DIO2: variants seen among roughly 807,000 people sequenced by gnomAD.
DIO2 encodes the protein type II iodothyronine deiodinase.
In DIO2, 19 loss-of-function variants were observed where a neutral mutation model predicts 21.4. The observed-to-expected ratio is 0.89, with a 90% CI of 0.62 to 1.30. DIO2 has a LOEUF of 1.30. DIO2 is among the 50% of genes most tolerant of loss of function. DIO2 has a pLI of 0.00. For synonymous variants in DIO2, 122 were observed against 132.9 expected, an observed-to-expected ratio of 0.92 and a Z score of 0.57; for missense variants, 302 against 338.1, an observed-to-expected ratio of 0.89 and a Z score of 0.84.
chr14:80,225,066 C>A (rs544869531), intron 2 of DIO2, among the ~76,000 whole-genome samples: 109 of 152,224 alleles, frequency 7.2e-4, no homozygotes, highest in Non-Finnish European at 1.2e-3. Context: ...GTTTTTCTTC[C>A]TGCTTTATAT....
chr14:80,206,632 G>T (rs1887968290), intron 1 of DIO2, among the ~76,000 whole-genome samples: 1 of 152,020 alleles, frequency 6.6e-6, no homozygotes, highest in Non-Finnish European at 1.5e-5. Context: ...AAATAAAGTT[G>T]GTCCCATAAT....
chr14:80,205,452 T>C (rs956320021), intron 1 of DIO2: 1 of 409,680 alleles, frequency 2.4e-6, no homozygotes, highest in Non-Finnish European at 3.9e-6. Flanking sequence ...GGAATCATTT[T>C]TGAAACCCAT....
Position 80,203,248 on chromosome 14 carries a change from T to G in DIO2, c.263A>C (p.His88Pro). Residue 88 changes from histidine to proline, a missense_variant, in exon 2 of 2, where the codon CAT becomes CCT. His to Pro is a moderately conservative substitution (Grantham distance 77). Transcript: ENST00000438257. Reference sequence around the variant, plus strand: ...GTCACCTCCTTCTGTACTGGAGACATGCACCACACTGGAATTGGGGGCATC... The same window carrying G: ...GTCACCTCCTTCTGTACTGGAGACAGGCACCACACTGGAATTGGGGGCATC... ...GEDAPNSSVV[H>P]VSSTEGGDNS... 6.2e-7 allele frequency: 1 copy of G among 1,600,412 alleles called. No individual in the cohort carries two copies. Among genetic ancestry groups the G allele is most frequent in the South Asian group, 1.1e-5 (1 of 89,542 alleles).
Position 80,201,224 on chromosome 14 carries a change from T to A in DIO2, c.*1465A>T, listed in dbSNP as rs960678224. On this transcript the variant is annotated 3_prime_UTR_variant, in exon 2 of 2. Transcript: ENST00000438257. ...GGACTTTAGATTACTAAACCTCAGC[T>A]AATGGGACCAAGGGAAGATCCAAGT... 5 of 151,972 alleles carry A rather than the reference T, an allele frequency of 3.3e-5. No homozygotes were observed. Among genetic ancestry groups the A allele is most frequent in the Admixed American group, 3.3e-4 (5 of 15,240 alleles). The allele number at this position is 151,972 out of a possible 1,614,324, so 9.4% of individuals were successfully genotyped here. A position where few individuals can be genotyped will look rare whatever the true frequency, so the allele number is the denominator to read the frequency against.
intron 1 of DIO2, among the ~76,000 whole-genome samples, chr14:80,203,644 AT>A (rs548712952): frequency 6.8e-4 from 103 of 152,370 alleles, no homozygotes; most frequent in Non-Finnish European, 6.0e-4. Context: ...ATAACAAATG[AT>A]TAATTGACTT....
chr14:80,206,282 A>G, intron 1 of DIO2: 2 of 1,582,676 alleles, frequency 1.3e-6, no homozygotes, highest in Non-Finnish European at 1.7e-6. Context: ...TATAAGCTTC[A>G]TATACTAGTC....
chr14:80,214,241 T>G (rs1888296675), upstream of DIO2, among the ~76,000 whole-genome samples: 4 of 152,202 alleles, frequency 2.6e-5, no homozygotes, highest in South Asian at 2.1e-4. Flanking sequence ...CTACCTTGAT[T>G]GAATTAAACC....
intron 2 of DIO2, among the ~76,000 whole-genome samples, chr14:80,223,718 C>T (rs1375819539): frequency 6.6e-6 from 1 of 152,226 alleles, no homozygotes; most frequent in Admixed American, 6.5e-5. Flanking sequence ...ATCTCTGCTA[C>T]TCCTAAGGCT....
At chr14:80,227,467 G>A (rs560582530) in intron 2 of DIO2, among the ~76,000 whole-genome samples, 1 of 152,292 alleles carries the variant, frequency 6.6e-6, no homozygotes, top group East Asian at 1.9e-4. Flanking sequence ...GGCAATTCAG[G>A]TTGCATGGTG....
At chr14:80,219,693 A>C (rs1268691527) in intron 2 of DIO2, among the ~76,000 whole-genome samples, 1 of 152,162 alleles carries the variant, frequency 6.6e-6, no homozygotes, top group Non-Finnish European at 1.5e-5. Flanking sequence ...ACATGCTATA[A>C]TACGTGCTAT....
chr14:80,205,657 A>G (rs766645776), intron 1 of DIO2: 2 of 1,337,560 alleles, frequency 1.5e-6, no homozygotes, highest in Non-Finnish European at 9.8e-7. Context: ...GAAACAATGT[A>G]TAGTTCAGCT....
Position 80,199,734 on chromosome 14 carries a change from T to C in DIO2, c.*2955A>G, listed in dbSNP as rs1394047482. 1 of 152,600 alleles carries C rather than the reference T, an allele frequency of 6.6e-6. No individual in the cohort carries two copies. The highest frequency in any genetic ancestry group is 1.5e-5 in the Non-Finnish European group (1 of 68,028). 9.5% of individuals were successfully genotyped at this position (152,600 alleles called of 1,614,324 possible). A position where few individuals can be genotyped will look rare whatever the true frequency, so the allele number is the denominator to read the frequency against. ...AATTTCTTGGAAACTATTTCAATAA[T>C]AGACAAGCTAATGAAGCTTAAAAGG... is the stretch of plus-strand genomic sequence containing the variant. On this transcript the variant is annotated 3_prime_UTR_variant, in exon 2 of 2. Transcript: ENST00000438257.
intron 2 of DIO2, chr14:80,219,615 A>G (rs1888426877): frequency 6.6e-6 from 1 of 151,960 alleles, no homozygotes; most frequent in South Asian, 2.1e-4. Flanking sequence ...CCTGAGTCTC[A>G]AAAATGTTTA....
chr14:80,202,380 A>C lies in DIO2; in HGVS notation c.*309T>G. 1.6e-6 allele frequency: 1 copy of C among 607,766 alleles called. No individual in the cohort carries two copies. The allele number at this position is 607,766 out of a possible 1,614,324, so 37.6% of individuals were successfully genotyped here. ...CTTTTCTTCTGGTCTCAAAGCATGC[A>C]TCAGATGTATCAGTTCCTTCTCAAT... is the stretch of plus-strand genomic sequence containing the variant. On this transcript the variant is annotated 3_prime_UTR_variant, in exon 2 of 2. Coordinates refer to ENST00000438257, the MANE Select transcript of DIO2 (RefSeq NM_013989.5).
rs77075531 is a variant in DIO2 at position 80,205,601 on chromosome 14, C to A, written c.223-2313G>T. 111 of 1,328,348 alleles carry A rather than the reference C, an allele frequency of 8.4e-5. No homozygotes were observed. The East Asian group carries it at 4.5e-3, about 54-fold the overall frequency. The allele number at this position is 1,328,348 out of a possible 1,614,324, so 82.3% of individuals were successfully genotyped here. ...TTAGTCACAGGGGACTCTCTTATTA[C>A]CTGCAGTAAATTTTCTTGGAAAGTT... On this transcript the variant is annotated intron_variant, in intron 1 of 1. Transcript: ENST00000438257.
intron 2 of DIO2, among the ~76,000 whole-genome samples, chr14:80,219,159 A>T (rs1207144904): frequency 6.6e-6 from 1 of 152,156 alleles, no homozygotes; most frequent in Non-Finnish European, 1.5e-5. Flanking sequence ...TAGGCATTAG[A>T]GGGTACCAGT....
chr14:80,217,755 C>T (rs868450224), intron 2 of DIO2, among the ~76,000 whole-genome samples: 5 of 152,182 alleles, frequency 3.3e-5, no homozygotes, highest in African/African-American at 1.2e-4. Context: ...AAAACCAAGA[C>T]ATTTTATGAT....
chr14:80,213,930 A>C (rs1263891362), upstream of DIO2, among the ~76,000 whole-genome samples: 1 of 152,206 alleles, frequency 6.6e-6, no homozygotes, highest in African/African-American at 2.4e-5. Context: ...AAATAATATA[A>C]ACCACATAGA....
intron 2 of DIO2, among the ~76,000 whole-genome samples, chr14:80,230,179 A>G (rs1371418899): frequency 6.6e-6 from 1 of 152,134 alleles, no homozygotes; most frequent in East Asian, 1.9e-4. Flanking sequence ...CCTTCTGGCA[A>G]AGAAGTTTCA....
Sources: allele counts gnomAD v4.1 joint callset (sites outside exome capture counted in the v4.1 genomes callset), GRCh38; gene constraint gnomAD v4.1.1; transcripts MANE v1.5; gene names NCBI Gene and HGNC (gene_info 2026-07-23, HGNC 2026-07-21).